The following EML1 variants were observed in gnomAD, a reference collection of about 807,000 sequenced individuals.
The protein encoded by EML1 is echinoderm microtubule-associated protein-like 1.
In EML1, 27 loss-of-function variants were observed where a neutral mutation model predicts 110.4. The ratio of observed to expected loss-of-function variants is 0.24; its 90% CI spans 0.18 to 0.34. The LOEUF is 0.34. EML1 is among the 10% of genes least tolerant of loss of function. The probability of loss-of-function intolerance (pLI) is 1.00; values close to 1 mark genes in which losing one functional copy is unlikely to be tolerated. For missense variants in EML1, 741 were observed against 1,030.9 expected (o/e 0.72, Z 3.85); for synonymous variants, 344 against 385.8 (o/e 0.89, Z 1.27).
chr14:99,820,942 C>T (rs191645442), intron 1 of EML1, among the ~76,000 whole-genome samples: 3 of 152,122 alleles, frequency 2.0e-5, no homozygotes, highest in Admixed American at 6.5e-5. Flanking sequence ...AGAAAGTGCC[C>T]GCCCCCAATT....
upstream of EML1, among the ~76,000 whole-genome samples, chr14:99,772,598 C>G (rs1276778332): frequency 3.7e-4 from 56 of 152,162 alleles, 1 homozygote; most frequent in Non-Finnish European, 5.9e-5. Flanking sequence ...CCAAAGCCCT[C>G]CAGGCATTGT....
intron 8 of EML1, chr14:99,899,385 G>C (rs537767668): frequency 6.6e-6 from 1 of 151,442 alleles, no homozygotes; most frequent in Non-Finnish European, 1.5e-5. Flanking sequence ...GCACAATCAC[G>C]GGTCATTGCC....
intron 1 of EML1, among the ~76,000 whole-genome samples, 170 bp from the exon 2 acceptor site, chr14:99,850,683 T>TA (rs1290112063): frequency 8.5e-5 from 13 of 152,204 alleles, no homozygotes; most frequent in African/African-American, 3.1e-4. Flanking sequence ...GAGTTGTAGT[T>TA]ACACACAGCT....
At chr14:99,851,604 G>T (rs558607414) in intron 2 of EML1, among the ~76,000 whole-genome samples, 1 of 152,296 alleles carries the variant, frequency 6.6e-6, no homozygotes, top group South Asian at 2.1e-4. Flanking sequence ...ACTGCGCCCG[G>T]CCGAGAACAG....
At chr14:99,846,150 G>A (rs1046023134) in intron 1 of EML1, among the ~76,000 whole-genome samples, 5 of 151,882 alleles carry the variant, frequency 3.3e-5, no homozygotes, top group African/African-American at 1.2e-4. Context: ...GAAGTTACAA[G>A]GTGGCAGATT....
intron 1 of EML1, among the ~76,000 whole-genome samples, chr14:99,824,511 A>G (rs530551419): frequency 9.2e-5 from 14 of 151,478 alleles, no homozygotes; most frequent in Admixed American, 6.1e-4. Context: ...GCATACACAT[A>G]CTGTGTACAC....
At chr14:99,751,591 C>T (rs780851658) in intron 1 of EML1, among the ~76,000 whole-genome samples, 10 of 151,922 alleles carry the variant, frequency 6.6e-5, no homozygotes, top group Non-Finnish European at 1.3e-4. Context: ...GAATCAGGGA[C>T]GGGGTGTCAG....
upstream of EML1, among the ~76,000 whole-genome samples, chr14:99,768,505 C>T (rs912415607): frequency 3.3e-5 from 5 of 152,152 alleles, no homozygotes; most frequent in East Asian, 3.9e-4. Context: ...ACGGAACTAT[C>T]AGTCACTCCA....
intron 12 of EML1, among the ~76,000 whole-genome samples, chr14:99,911,211 A>C (rs12435250): frequency 6.6e-6 from 1 of 152,020 alleles, no homozygotes; most frequent in Non-Finnish European, 1.5e-5. Flanking sequence ...CGGCTTCAAC[A>C]ATGCATATTT....
At chr14:99,744,338 C>T (rs1466388533) in intron 1 of EML1, among the ~76,000 whole-genome samples, 3 of 152,174 alleles carry the variant, frequency 2.0e-5, no homozygotes, top group Non-Finnish European at 4.4e-5. Context: ...TTCCCAGTCA[C>T]TGCAGCCAGC....
chr14:99,763,490 C>T (rs1349534291), intron 1 of EML1, among the ~76,000 whole-genome samples: 1 of 152,158 alleles, frequency 6.6e-6, no homozygotes, highest in Non-Finnish European at 1.5e-5. Context: ...GGGCACTACT[C>T]CCGGTGATAA....
intron 3 of EML1, among the ~76,000 whole-genome samples, chr14:99,867,660 G>A (rs1057302248): frequency 7.5e-6 from 1 of 133,116 alleles, no homozygotes; most frequent in Non-Finnish European, 1.6e-5. Flanking sequence ...TGATTTTTGT[G>A]TGTTGGTTTT....
upstream of EML1, among the ~76,000 whole-genome samples, chr14:99,770,994 C>A (rs541420035): frequency 1.6e-4 from 24 of 151,982 alleles, no homozygotes; most frequent in African/African-American, 5.8e-4. Context: ...CCACGTTAGC[C>A]AGGATGGTCT....
intron 11 of EML1, 27 bp from the exon 12 acceptor site, chr14:99,910,215 A>T (rs752157797): frequency 6.9e-7 from 1 of 1,449,278 alleles, no homozygotes; most frequent in African/African-American, 1.4e-5. Context: ...TTAAATATAT[A>T]TATAATTTTT....
At chr14:99,879,076 C>A (rs976451) in intron 4 of EML1, among the ~76,000 whole-genome samples, 95,772 of 152,062 alleles carry the variant, frequency 0.63, 30,892 homozygotes, top group East Asian at 0.87. Context: ...GGCTATGTTT[C>A]ATATTGATGC....
At chr14:99,845,462 A>T (rs2058692984) in intron 1 of EML1, among the ~76,000 whole-genome samples, 1 of 152,250 alleles carries the variant, frequency 6.6e-6, no homozygotes, top group Non-Finnish European at 1.5e-5. Context: ...CATCCCCATC[A>T]GTACTCCTAA....
Position 99,933,011 on chromosome 14 carries a change from G to A in EML1, c.1910-3018G>A, listed in dbSNP as rs143229481. On this transcript the variant is annotated intron_variant, in intron 17 of 21. Transcript: ENST00000262233. ...CGCACATCTGTAGTCCCAGCTACTC[G>A]GGAGACCATGGCAGGAGTCGAGGAG... Among the ~76,000 whole-genome samples, 4 of 152,050 alleles carry A rather than the reference G, an allele frequency of 2.6e-5. No individual in the cohort carries two copies. The East Asian group carries it at 5.8e-4, about 22-fold the overall frequency.
Position 99,941,354 on chromosome 14 carries a change from C to T in EML1, c.*1242C>T, listed in dbSNP as rs1433158442. On this transcript the variant is annotated 3_prime_UTR_variant, in exon 22 of 22. Coordinates refer to ENST00000262233, the MANE Select transcript of EML1 (RefSeq NM_004434.3). ...AAGTAAATGAATGGAATTATCTGAGCTCTATGGCACTGGTTGTTTAGAGTG... is the reference window on the plus strand; with the variant it reads ...AAGTAAATGAATGGAATTATCTGAGTTCTATGGCACTGGTTGTTTAGAGTG... The T allele has an allele frequency of 6.6e-6, 1 of 152,160 alleles. No homozygotes were observed. The highest frequency in any genetic ancestry group is 2.4e-5 in the African/African-American group (1 of 41,442). The allele number at this position is 152,160 out of a possible 1,614,324, so 9.4% of individuals were successfully genotyped here.
At chr14:99,862,193 A>G (rs2059013474) in intron 2 of EML1, among the ~76,000 whole-genome samples, 1 of 152,218 alleles carries the variant, frequency 6.6e-6, no homozygotes, top group Non-Finnish European at 1.5e-5. Flanking sequence ...GGATAGACTC[A>G]GCTTATGGGC....
Sources: allele counts gnomAD v4.1 joint callset (sites outside exome capture counted in the v4.1 genomes callset), GRCh38; gene constraint gnomAD v4.1.1; transcripts MANE v1.5; gene names NCBI Gene and HGNC (gene_info 2026-07-23, HGNC 2026-07-21).